Variants in RCAN2 observed in about 807,000 individuals in gnomAD.
The protein encoded by RCAN2 is calcipressin-2.
In RCAN2, 9 loss-of-function variants were observed where a neutral mutation model predicts 23.6. The observed-to-expected ratio is 0.38, with a 90% CI of 0.23 to 0.67. The LOEUF is 0.67. Among genes scored for constraint, RCAN2 ranks in the 30% least tolerant of loss-of-function variants. The pLI, the probability that RCAN2 is intolerant of heterozygous loss-of-function variation, is 0.51. For synonymous variants in RCAN2, 109 were observed against 115.7 expected (o/e 0.94, Z 0.37); for missense variants, 273 against 302.3 (o/e 0.90, Z 0.72).
At chr6:46,373,206 G>A (rs1198180910) in intron 2 of RCAN2, among the ~76,000 whole-genome samples, 2 of 152,088 alleles carry the variant, frequency 1.3e-5, no homozygotes, top group Non-Finnish European at 1.5e-5. Context: ...CTAAAGCTAC[G>A]GGGTCAAGAA....
chr6:46,469,866 A>G (rs1443536527), intron 1 of RCAN2, among the ~76,000 whole-genome samples: 2 of 152,170 alleles, frequency 1.3e-5, no homozygotes, highest in Non-Finnish European at 2.9e-5. Context: ...TGTAGCATTC[A>G]GCTAGCTTGC....
intron 2 of RCAN2, among the ~76,000 whole-genome samples, chr6:46,308,032 A>G (rs965383070): frequency 2.6e-5 from 4 of 152,220 alleles, no homozygotes; most frequent in African/African-American, 9.6e-5. Context: ...AGCAACAGGC[A>G]TCAGGGCAAA....
At chr6:46,467,192 C>T (rs1168475434) in intron 1 of RCAN2, among the ~76,000 whole-genome samples, 1 of 152,190 alleles carries the variant, frequency 6.6e-6, no homozygotes, top group Non-Finnish European at 1.5e-5. Context: ...ACTCTTGTAG[C>T]TACTAAACAG....
intron 2 of RCAN2, among the ~76,000 whole-genome samples, chr6:46,329,604 C>A (rs9472740): frequency 0.014 from 2,180 of 152,124 alleles, 15 homozygotes; most frequent in Middle Eastern, 0.034. Flanking sequence ...GAGGTGCCTC[C>A]TAGATCCAGG....
intron 2 of RCAN2, among the ~76,000 whole-genome samples, chr6:46,390,979 G>A (rs1561886337): frequency 1.3e-5 from 2 of 152,270 alleles, no homozygotes; most frequent in Non-Finnish European, 2.9e-5. Context: ...GGCAGCCTGG[G>A]CAGACAAAGG....
intron 2 of RCAN2, among the ~76,000 whole-genome samples, chr6:46,419,600 AT>A (rs1401704261): frequency 5.3e-5 from 8 of 152,212 alleles, no homozygotes; most frequent in Admixed American, 3.3e-4. Flanking sequence ...TTATTTGTTT[AT>A]TTAATCTCAA....
chr6:46,259,607 T>C (rs1250413862), intron 2 of RCAN2, among the ~76,000 whole-genome samples: 1 of 152,228 alleles, frequency 6.6e-6, no homozygotes, highest in Non-Finnish European at 1.5e-5. Context: ...TCCAGTTCTC[T>C]GTAGACACCC....
chr6:46,318,483 G>A (rs987570323), intron 2 of RCAN2, among the ~76,000 whole-genome samples: 1 of 152,098 alleles, frequency 6.6e-6, no homozygotes, highest in African/African-American at 2.4e-5. Context: ...ACACTGCTAT[G>A]GTATATAACA....
intron 2 of RCAN2, among the ~76,000 whole-genome samples, chr6:46,391,651 G>A (rs933781514): frequency 6.6e-6 from 1 of 152,144 alleles, no homozygotes; most frequent in African/African-American, 2.4e-5. Context: ...TCTATCCTAA[G>A]GTCTGCTGTG....
At chr6:46,245,814 C>T (rs1231102915) in intron 4 of RCAN2, among the ~76,000 whole-genome samples, 2 of 152,140 alleles carry the variant, frequency 1.3e-5, no homozygotes, top group Non-Finnish European at 2.9e-5. Flanking sequence ...AAGCTCCTTC[C>T]TATCCCAAGA....
rs368914883 is a variant in RCAN2 at position 46,223,116 on chromosome 6, C to T, written c.*25G>A. On this transcript the variant is annotated 3_prime_UTR_variant, in exon 5 of 5. Transcript: ENST00000371374. ...AAAAAGCATGATAAAGAGGAGACGG[C>T]TATTATCGAGAAGGAGCAGGCAGCT... 7.2e-5 allele frequency: 116 copies of T among 1,610,726 alleles called. No homozygotes were observed. Among genetic ancestry groups the T allele is most frequent in the Non-Finnish European group, 9.4e-5 (111 of 1,179,140 alleles).
chr6:46,268,554 G>C (rs1407281370), intron 2 of RCAN2, among the ~76,000 whole-genome samples: 3 of 152,120 alleles, frequency 2.0e-5, no homozygotes, highest in Non-Finnish European at 4.4e-5. Context: ...AAACATCTTT[G>C]AGTAGGCCCT....
intron 2 of RCAN2, among the ~76,000 whole-genome samples, chr6:46,408,947 C>T (rs1766481277): frequency 6.6e-6 from 1 of 152,036 alleles, no homozygotes; most frequent in South Asian, 2.1e-4. Context: ...AATGCTGGGT[C>T]TTGGGAGACA....
In RCAN2 at chr6:46,394,578, C is replaced by T. The variant is rs369576140; in HGVS notation, c.225+62174G>A. 7.9e-4 allele frequency among the ~76,000 whole-genome samples: 121 copies of T among 152,208 alleles called. 1 individual carries two copies. Among genetic ancestry groups the T allele is most frequent in the African/African-American group, 2.8e-3 (116 of 41,538 alleles). On this transcript the variant is annotated intron_variant, in intron 2 of 4. Transcript: ENST00000371374. Reference sequence around the variant, plus strand: ...ATATTGCTATACTTTCAATTCATTCCCTCTATCTCTCTTTGCATTTTAAAT... The same window carrying T: ...ATATTGCTATACTTTCAATTCATTCTCTCTATCTCTCTTTGCATTTTAAAT...
At chr6:46,351,788 C>A (rs182158694) in intron 2 of RCAN2, among the ~76,000 whole-genome samples, 1 of 152,116 alleles carries the variant, frequency 6.6e-6, no homozygotes, top group African/African-American at 2.4e-5. Context: ...ATTTTTATGA[C>A]CATGGTGTGG....
intron 1 of RCAN2, among the ~76,000 whole-genome samples, chr6:46,475,136 A>G (rs542183038): frequency 2.6e-5 from 4 of 152,268 alleles, no homozygotes; most frequent in Non-Finnish European, 4.4e-5. Context: ...GTCACTTGGA[A>G]ATTAGGTTGG....
intron 1 of RCAN2, among the ~76,000 whole-genome samples, chr6:46,458,335 A>AT (rs956429163): frequency 1.3e-5 from 2 of 152,134 alleles, no homozygotes; most frequent in African/African-American, 4.8e-5. Context: ...TTTTATTTTC[A>AT]TTTTTCCTAG....
At chr6:46,242,438 C>T (rs140820386) in intron 4 of RCAN2, among the ~76,000 whole-genome samples, 198 of 152,318 alleles carry the variant, frequency 1.3e-3, no homozygotes, top group Middle Eastern at 6.8e-3. Context: ...CACTCTGGAT[C>T]CCTGCTCCAT....
At chr6:46,405,325 T>G (rs1766367208) in intron 2 of RCAN2, among the ~76,000 whole-genome samples, 1 of 152,108 alleles carries the variant, frequency 6.6e-6, no homozygotes, top group Non-Finnish European at 1.5e-5. Flanking sequence ...AGAACAAAGC[T>G]TCCACAGGGT....
Sources: allele counts gnomAD v4.1 joint callset (sites outside exome capture counted in the v4.1 genomes callset), GRCh38; gene constraint gnomAD v4.1.1; transcripts MANE v1.5; gene names NCBI Gene and HGNC (gene_info 2026-07-23, HGNC 2026-07-21).